Variants in PDE7B observed in about 807,000 individuals in gnomAD.
PDE7B encodes the protein phosphodiesterase 7B, also known as 3',5'-cyclic-AMP phosphodiesterase 7B.
Under a neutral mutation model 56.2 loss-of-function variants are expected in PDE7B, and 29 were observed. That is an observed-to-expected ratio of 0.52 (90% CI 0.38 to 0.70). The LOEUF is 0.70. Among genes scored for constraint, PDE7B ranks in the 30% least tolerant of loss-of-function variants. PDE7B has a pLI of 0.00. For missense variants in PDE7B, 490 were observed against 565.0 expected, an observed-to-expected ratio of 0.87 and a Z score of 1.35; for synonymous variants, 197 against 196.9, an observed-to-expected ratio of 1.00 and a Z score of 0.00.
In PDE7B at chr6:135,945,443, C is replaced by T. The variant is rs909299888; in HGVS notation, c.22-2021C>T. Reference sequence around the variant, plus strand: ...GGTCCAGCCTCTTGACTCACAAAAGCAGCTTTCTTTCTTTTCATATCACTG... The same window carrying T: ...GGTCCAGCCTCTTGACTCACAAAAGTAGCTTTCTTTCTTTTCATATCACTG... On this transcript the variant is annotated intron_variant, in intron 1 of 12. Transcript: ENST00000308191. Among the ~76,000 whole-genome samples, 4 of 151,714 alleles carry T rather than the reference C, an allele frequency of 2.6e-5. No individual in the cohort carries two copies. The South Asian group carries it at 8.3e-4, about 32-fold the overall frequency.
intron 2 of PDE7B, chr6:136,037,425 C>G: frequency 1.0e-6 from 1 of 985,284 alleles, no homozygotes; most frequent in South Asian, 4.7e-5. Context: ...ATAGGTTTGC[C>G]GAGAACCAAA....
chr6:135,920,910 G>A (rs1385075926), intron 1 of PDE7B, among the ~76,000 whole-genome samples: 1 of 152,126 alleles, frequency 6.6e-6, no homozygotes, highest in Admixed American at 6.5e-5. Flanking sequence ...GATTTCAACC[G>A]AACTTTATGT....
At chr6:135,920,030 C>A (rs1774041604) in intron 1 of PDE7B, among the ~76,000 whole-genome samples, 1 of 151,788 alleles carries the variant, frequency 6.6e-6, no homozygotes, top group Non-Finnish European at 1.5e-5. Context: ...GTCTCCTGAC[C>A]CTAAAAGGTT....
intron 9 of PDE7B, 40 bp from the exon 10 acceptor site, chr6:136,178,957 G>T: frequency 2.5e-6 from 4 of 1,610,210 alleles, no homozygotes; most frequent in Non-Finnish European, 3.4e-6. Flanking sequence ...AAAGGGATTT[G>T]CTTTGTGTGT....
At chr6:136,187,425 C>G (rs905934077) in intron 12 of PDE7B, among the ~76,000 whole-genome samples, 3 of 152,112 alleles carry the variant, frequency 2.0e-5, no homozygotes, top group African/African-American at 7.2e-5. Context: ...CAGGAATCAA[C>G]TATTCATACT....
chr6:135,943,685 G>A (rs989557657), intron 1 of PDE7B, among the ~76,000 whole-genome samples: 2 of 152,158 alleles, frequency 1.3e-5, no homozygotes, highest in African/African-American at 4.8e-5. Flanking sequence ...CCCATAATGT[G>A]GGCACAAATG....
intron 1 of PDE7B, among the ~76,000 whole-genome samples, chr6:135,912,396 T>G (rs1334922516): frequency 6.6e-6 from 1 of 152,212 alleles, no homozygotes; most frequent in Non-Finnish European, 1.5e-5. Context: ...ATAAGTAATC[T>G]AAAGATGATT....
intron 2 of PDE7B, among the ~76,000 whole-genome samples, chr6:135,949,573 C>G (rs1461857716): frequency 6.6e-6 from 1 of 151,988 alleles, no homozygotes; most frequent in South Asian, 2.1e-4. Flanking sequence ...AGGTGAAATC[C>G]ATCCCAAACA....
intron 2 of PDE7B, among the ~76,000 whole-genome samples, chr6:136,021,617 C>A (rs188194444): frequency 6.7e-6 from 1 of 150,284 alleles, no homozygotes; most frequent in African/African-American, 2.5e-5. Flanking sequence ...GCACTCCAGT[C>A]TGGGTGACAA....
intron 2 of PDE7B, among the ~76,000 whole-genome samples, chr6:135,982,703 G>T (rs79607100): frequency 0.013 from 2,031 of 152,256 alleles, 54 homozygotes; most frequent in African/African-American, 0.045. Context: ...ACTGGTCTAT[G>T]AATCACATGT....
intron 8 of PDE7B, among the ~76,000 whole-genome samples, chr6:136,172,707 C>T (rs527368313): frequency 1.3e-5 from 2 of 152,012 alleles, no homozygotes; most frequent in East Asian, 1.9e-4. Flanking sequence ...GAAGTCCTTG[C>T]CCATGCCTAT....
chr6:136,088,132 G>A (rs913696244), intron 2 of PDE7B, among the ~76,000 whole-genome samples: 2 of 152,140 alleles, frequency 1.3e-5, no homozygotes, highest in African/African-American at 4.8e-5. Flanking sequence ...TTTAAACCTA[G>A]TAAGTAGACT....
At chr6:136,083,556 G>A (rs1362895006) in intron 2 of PDE7B, among the ~76,000 whole-genome samples, 3 of 152,138 alleles carry the variant, frequency 2.0e-5, no homozygotes, top group African/African-American at 7.2e-5. Context: ...TATTATTCAT[G>A]CCATGTGATA....
rs115268331 is a variant in PDE7B at position 136,095,423 on chromosome 6, A to C, written c.83-13308A>C. On this transcript the variant is annotated intron_variant, in intron 2 of 12. Transcript: ENST00000308191. ...AGTGATTGGCAAAGCAGTTTTATCC[A>C]GTTTTACCCATGTGATTTCATTGAT... Among the ~76,000 whole-genome samples, 627 of 152,314 alleles carry C rather than the reference A, an allele frequency of 4.1e-3. 4 individuals are homozygous for C. Among genetic ancestry groups the C allele is most frequent in the African/African-American group, 0.014 (601 of 41,568 alleles).
At chr6:135,958,512 A>G (rs924262506) in intron 2 of PDE7B, among the ~76,000 whole-genome samples, 2 of 151,894 alleles carry the variant, frequency 1.3e-5, no homozygotes, top group Non-Finnish European at 2.9e-5. Flanking sequence ...GGTTTATGAG[A>G]TCTCAACCTG....
intron 1 of PDE7B, among the ~76,000 whole-genome samples, chr6:135,858,930 C>G (rs1156655859): frequency 6.6e-6 from 1 of 151,936 alleles, no homozygotes; most frequent in Admixed American, 6.6e-5. Flanking sequence ...GAAAATTATA[C>G]TATAATATCA....
chr6:136,165,646 T>A (rs1485785270), intron 8 of PDE7B: 1 of 152,184 alleles, frequency 6.6e-6, no homozygotes, highest in African/African-American at 2.4e-5. Flanking sequence ...CCAAGGTATC[T>A]GCTGGAGGTC....
At chr6:136,170,696 G>A (rs1038561996) in intron 8 of PDE7B, among the ~76,000 whole-genome samples, 18 of 152,152 alleles carry the variant, frequency 1.2e-4, no homozygotes, top group African/African-American at 4.1e-4. Context: ...AGAGGGGGCT[G>A]TACCTTGGTG....
intron 2 of PDE7B, among the ~76,000 whole-genome samples, chr6:136,012,347 T>C (rs535567113): frequency 6.6e-6 from 1 of 152,298 alleles, no homozygotes; most frequent in South Asian, 2.1e-4. Flanking sequence ...TTATCAGCAA[T>C]GTCTGGGTAA....
Sources: allele counts gnomAD v4.1 joint callset (sites outside exome capture counted in the v4.1 genomes callset), GRCh38; gene constraint gnomAD v4.1.1; transcripts MANE v1.5; gene names NCBI Gene and HGNC (gene_info 2026-07-23, HGNC 2026-07-21).